The following AGXT variants were observed in gnomAD, a reference collection of about 807,000 sequenced individuals.
AGXT encodes L-alanine: glyoxylate aminotransferase 1.
Under a neutral mutation model 46.9 loss-of-function variants are expected in AGXT, and 41 were observed. That is an observed-to-expected ratio of 0.88 (90% CI 0.68 to 1.14). AGXT has a LOEUF of 1.14. Ranked by LOEUF, AGXT falls within the 50% of genes most tolerant of loss-of-function variation. The probability of loss-of-function intolerance (pLI) is 0.00; values close to 1 mark genes in which losing one functional copy is unlikely to be tolerated. For missense variants in AGXT, 525 were observed against 522.7 expected (o/e 1.00, Z -0.04); for synonymous variants, 244 against 227.9 (o/e 1.07, Z -0.64).
intron 8 of AGXT, 117 bp downstream of exon 8, chr2:240,876,121 A>T (rs2059023604): frequency 2.4e-6 from 3 of 1,272,410 alleles, no homozygotes; most frequent in Admixed American, 2.0e-5. Context: ...TGCCAGAGAG[A>T]GGCCCTCAGT....
intron 8 of AGXT, 76 bp downstream of exon 8, chr2:240,876,080 ACCATC>A (rs2059023397): frequency 1.3e-6 from 2 of 1,509,472 alleles, no homozygotes; most frequent in Non-Finnish European, 1.8e-6. Context: ...CAGAGAAGGA[ACCATC>A]CCTGGTGCAC....
In AGXT at chr2:240,878,133, G is replaced by T. The variant is rs775179638; in HGVS notation, c.1054G>T (p.Gly352Trp). 6.8e-6 allele frequency: 11 copies of T among 1,613,074 alleles called. No individual in the cohort carries two copies. Among genetic ancestry groups the T allele is most frequent in the Non-Finnish European group, 9.3e-6 (11 of 1,179,970 alleles). Residue 352 changes from glycine to tryptophan, a missense_variant, in exon 10 of 11, where the codon GGG (glycine) becomes TGG (tryptophan). Coordinates refer to ENST00000307503, the MANE Select transcript of AGXT (RefSeq NM_000030.3). ...CGACATTGAGATCATGGGTGGCCTT[G>T]GGCCCTCCACGGGGAAGGTGAGAGG... ...HFDIEIMGGL[G>W]PSTGKVLRIG...
At chr2:240,877,684 G>A (rs1364463040) in intron 9 of AGXT, 52 bp downstream of exon 9, 8 of 1,529,112 alleles carry the variant, frequency 5.2e-6, no homozygotes, top group Non-Finnish European at 7.1e-6. Context: ...GAAGGATGAG[G>A]GGCTCTTGCC....
intron 8 of AGXT, 103 bp downstream of exon 8, chr2:240,876,107 A>G: frequency 7.3e-7 from 1 of 1,376,488 alleles, no homozygotes; most frequent in Non-Finnish European, 1.0e-6. Flanking sequence ...GAGAAAAGGG[A>G]GCCTGCCAGA....
rs868580226 is a variant in AGXT at position 240,869,173 on chromosome 2, A to G, written c.169A>G (p.Met57Val). 6 of 1,465,382 alleles carry G rather than the reference A, an allele frequency of 4.1e-6. No homozygotes were observed. Among genetic ancestry groups the G allele is most frequent in the South Asian group, 2.3e-5 (2 of 86,134 alleles). 90.8% of individuals were successfully genotyped at this position (1,465,382 alleles called of 1,614,324 possible). A position where few individuals can be genotyped will look rare whatever the true frequency, so the allele number is the denominator to read the frequency against. Reference protein sequence around the residue: ...GSMSKDMYQIMDEIKEGIQYV... With the variant: ...GSMSKDMYQIVDEIKEGIQYV... ...ACCCTATACCACCCGCATGCAGATC[A>G]TGGACGAGATCAAGGAAGGCATCCA... is the stretch of plus-strand genomic sequence containing the variant. Residue 57 changes from methionine to valine, a missense_variant, in exon 2 of 11, where the codon ATG (methionine) becomes GTG (valine). By Grantham distance (21) the Met-to-Val change is conservative (BLOSUM62 1). Transcript: ENST00000307503.
chr2:240,874,278 G>A (rs2059010542), intron 6 of AGXT, among the ~76,000 whole-genome samples: 1 of 152,196 alleles, frequency 6.6e-6, no homozygotes, highest in African/African-American at 2.4e-5. Context: ...TGTGCAGGGT[G>A]CAGAGTCCAC....
At chr2:240,871,282 G>A in intron 3 of AGXT, 67 bp from the exon 4 acceptor site, 1 of 1,367,846 alleles carries the variant, frequency 7.3e-7, no homozygotes, top group Non-Finnish European at 1.0e-6. Context: ...CACCCATGGG[G>A]GGTTTGTGGG....
chr2:240,873,123 A>C, intron 5 of AGXT, 74 bp downstream of exon 5: 6 of 1,312,996 alleles, frequency 4.6e-6, no homozygotes, highest in Non-Finnish European at 6.6e-6. Context: ...CCCTGCTGGA[A>C]GCGTGCGTCC....
chr2:240,870,859 G>A (rs1346343455), intron 3 of AGXT, 151 bp downstream of exon 3: 16 of 742,374 alleles, frequency 2.2e-5, no homozygotes, highest in Non-Finnish European at 3.2e-5. Context: ...TCTGGTGAGC[G>A]GCCACAGGGG....
At chr2:240,876,294 G>T (rs573640191) in intron 8 of AGXT, among the ~76,000 whole-genome samples, 1 of 152,338 alleles carries the variant, frequency 6.6e-6, no homozygotes, top group African/African-American at 2.4e-5. Context: ...TGGGTGGGCT[G>T]GGAGAAGGGG....
Position 240,878,128 on chromosome 2 carries a change from G to T in AGXT, c.1049G>T (p.Gly350Val), listed in dbSNP as rs180177156. The change falls in exon 10 of 11, where the codon GGC (glycine) becomes GTC (valine). Residue 350 changes from glycine to valine, a missense_variant. Gly to Val is a moderately radical substitution (Grantham distance 109). Coordinates refer to ENST00000307503, the MANE Select transcript of AGXT (RefSeq NM_000030.3). ...CACTTCGACATTGAGATCATGGGTG[G>T]CCTTGGGCCCTCCACGGGGAAGGTG... Reference protein sequence around the residue: ...IDHFDIEIMGGLGPSTGKVLR... With the variant: ...IDHFDIEIMGVLGPSTGKVLR... 2 of 1,613,028 alleles carry T rather than the reference G, an allele frequency of 1.2e-6. No homozygotes were observed. Among genetic ancestry groups the T allele is most frequent in the African/African-American group, 2.7e-5 (2 of 74,938 alleles).
chr2:240,872,944 C>G, intron 4 of AGXT, 35 bp from the exon 5 acceptor site: 1 of 1,596,356 alleles, frequency 6.3e-7, no homozygotes, highest in Non-Finnish European at 8.6e-7. Flanking sequence ...CCCTGCCTCA[C>G]CTGCTGCCCT....
rs2058979240 is a variant in AGXT at position 240,869,368 on chromosome 2, G to A, written c.358+6G>A. On this transcript the variant is annotated splice_donor_region_variant and intron_variant, in intron 2 of 10. Transcript: ENST00000307503. ...GGACATCGGGGAGCGCATAGGTAAG[G>A]GAGAGGCCCAGGTGGGGATGGCCCT... is the stretch of plus-strand genomic sequence containing the variant. The A allele has an allele frequency of 6.3e-7, 1 of 1,575,980 alleles. No homozygotes were observed. Among genetic ancestry groups the A allele is most frequent in the Non-Finnish European group, 8.6e-7 (1 of 1,159,296 alleles).
intron 7 of AGXT, among the ~76,000 whole-genome samples, chr2:240,875,667 G>A (rs1054247560): frequency 2.0e-5 from 3 of 152,256 alleles, no homozygotes; most frequent in Non-Finnish European, 1.5e-5. Flanking sequence ...TGGGACTGAG[G>A]GGCTCCGCAG....
intron 4 of AGXT, among the ~76,000 whole-genome samples, chr2:240,872,679 C>A (rs1366483076): frequency 6.6e-6 from 1 of 152,092 alleles, no homozygotes; most frequent in Non-Finnish European, 1.5e-5. Flanking sequence ...GACTGCCCGG[C>A]TGACCCTCTT....
In AGXT at chr2:240,871,346, C is replaced by T. The variant is rs2106428571; in HGVS notation, c.424-3C>T. On this transcript the variant is annotated splice_polypyrimidine_tract_variant and splice_region_variant and intron_variant, in intron 3 of 10. Transcript: ENST00000307503. ...CCACCCACAGCCGTCCCTGCTTCCT[C>T]AGGGCCTGGCCCAGCACAAGCCAGT... 1 of 1,573,556 alleles carries T rather than the reference C, an allele frequency of 6.4e-7. No homozygotes were observed. Among genetic ancestry groups the T allele is most frequent in the East Asian group, 2.4e-5 (1 of 42,496 alleles).
rs374990950 is a variant in AGXT, at chr2:240,878,698, G to T, written c.1072-16G>T. ...CCAGGCGGGAGGCTGACGTCAGCCC[G>T]CCCTGTGCCCCCCAGGTGCTGCGGA... On this transcript the variant is annotated splice_polypyrimidine_tract_variant and intron_variant, in intron 10 of 10. Transcript: ENST00000307503. The T allele has an allele frequency of 1.3e-6, 2 of 1,544,190 alleles. No homozygotes were observed. The highest frequency in any genetic ancestry group is 1.2e-5 in the South Asian group (1 of 84,134).
chr2:240,869,685 C>T (rs1464649058), intron 2 of AGXT, among the ~76,000 whole-genome samples: 1 of 151,336 alleles, frequency 6.6e-6, no homozygotes, highest in Non-Finnish European at 1.5e-5. Context: ...CGGCCGCTGT[C>T]CAGGGCCCCA....
rs967305156 is a variant in AGXT, at chr2:240,871,080, G to A, written c.424-269G>A. 2.2e-5 allele frequency: 13 copies of A among 590,690 alleles called. 1 individual carries two copies. The South Asian group carries it at 2.4e-4, about 11-fold the overall frequency. The allele number at this position is 590,690 out of a possible 1,614,324, so 36.6% of individuals were successfully genotyped here. Reference sequence around the variant, plus strand: ...AACCTCAGCCTACCCGGAGTGTGGGGACTCAGTCCATCTAGCAACAGCCCT... The same window carrying A: ...AACCTCAGCCTACCCGGAGTGTGGGAACTCAGTCCATCTAGCAACAGCCCT... On this transcript the variant is annotated intron_variant, in intron 3 of 10. Transcript: ENST00000307503.
Sources: allele counts gnomAD v4.1 joint callset (sites outside exome capture counted in the v4.1 genomes callset), GRCh38; gene constraint gnomAD v4.1.1; transcripts MANE v1.5; gene names NCBI Gene and HGNC (gene_info 2026-07-23, HGNC 2026-07-21).